Variants in SNX27 observed in about 807,000 individuals in gnomAD.
The protein encoded by SNX27 is sorting nexin 27.
A neutral mutation model predicts 71.6 loss-of-function variants in SNX27; 22 were observed. The ratio of observed to expected loss-of-function variants is 0.31; its 90% CI spans 0.22 to 0.44. SNX27 has a LOEUF of 0.44. Ranked by LOEUF, SNX27 falls within the 20% of genes least tolerant of loss-of-function variation. SNX27 has a pLI of 1.00. For missense variants in SNX27, 531 were observed against 698.6 expected, an observed-to-expected ratio of 0.76 and a Z score of 2.70; for synonymous variants, 269 against 277.2, an observed-to-expected ratio of 0.97 and a Z score of 0.29.
At chr1:151,666,940 T>C (rs1421781780) in intron 6 of SNX27, 1 of 152,026 alleles carries the variant, frequency 6.6e-6, no homozygotes, top group Non-Finnish European at 1.5e-5. Flanking sequence ...AAATGGAAAA[T>C]ATTAAATCTG....
At chr1:151,664,864 C>T (rs764352875) in intron 5 of SNX27, among the ~76,000 whole-genome samples, 1 of 152,140 alleles carries the variant, frequency 6.6e-6, no homozygotes, top group Non-Finnish European at 1.5e-5. Flanking sequence ...AGGTTTTTTA[C>T]ACTTTCCTCC....
chr1:151,658,369 A>G lies in SNX27; in HGVS notation c.678A>G (p.Ser226=). The G allele has an allele frequency of 6.2e-7, 1 of 1,614,124 alleles. No individual in the cohort carries two copies. Among genetic ancestry groups the G allele is most frequent in the Non-Finnish European group, 8.5e-7 (1 of 1,180,018 alleles). Residue 226 remains serine (S), a synonymous_variant, in exon 3 of 12, where the codon TCA becomes TCG. Transcript: ENST00000458013. ...GACTCCCAGGGAAGTGGCCATTTTC[A>G]TTATCAGAACAACAATTAGATGCCC... ...FPRLPGKWPF[S]LSEQQLDARR...
rs397862798 is a variant in SNX27 at position 151,693,086 on chromosome 1, GT to G, written c.1518+57del. 8.6e-4 allele frequency: 1,260 copies of G among 1,470,816 alleles called. 3 individuals carry two copies. The highest frequency in any genetic ancestry group is 1.7e-3 in the East Asian group (70 of 41,318). 91.1% of individuals were successfully genotyped at this position (1,470,816 alleles called of 1,614,324 possible). A position where few individuals can be genotyped will look rare whatever the true frequency, so the allele number is the denominator to read the frequency against. Reference sequence around the variant, plus strand: ...TAACTGGGACTTAGTTTGTTTTTTTGTTTTTTTTTTCAGCTAAATGCATAAA... The same window carrying G: ...TAACTGGGACTTAGTTTGTTTTTTTGTTTTTTTTTCAGCTAAATGCATAAA... On this transcript the variant is annotated intron_variant, in intron 10 of 11. Coordinates refer to ENST00000458013, the MANE Select transcript of SNX27 (RefSeq NM_001330723.2).
At chr1:151,637,162 G>GTTTTTT (rs1203944575) in intron 1 of SNX27, among the ~76,000 whole-genome samples, 1 of 37,308 alleles carries the variant, frequency 2.7e-5, no homozygotes, top group African/African-American at 6.0e-5. Flanking sequence ...CGTTTTTTTT[G>GTTTTTT]TTTTTTTGTT....
chr1:151,638,759 G>A (rs1056091429), intron 1 of SNX27, 129 bp from the exon 2 acceptor site: 154 of 843,638 alleles, frequency 1.8e-4, no homozygotes, highest in Middle Eastern at 3.2e-4. Flanking sequence ...AACTTTTCTG[G>A]AACCAAATTA....
At chr1:151,659,964 G>T (rs1315226170) in intron 3 of SNX27, 1 of 152,152 alleles carries the variant, frequency 6.6e-6, no homozygotes, top group African/African-American at 2.4e-5. Flanking sequence ...AAAAACTTTT[G>T]TAGGGAGCCT....
intron 7 of SNX27, chr1:151,678,475 A>AT (rs1183720299): frequency 2.0e-5 from 3 of 152,176 alleles, no homozygotes; most frequent in African/African-American, 7.2e-5. Context: ...TGTTGTATGT[A>AT]TATCCCACAT....
At chr1:151,692,299 T>A in intron 8 of SNX27, 136 bp from the exon 9 acceptor site, 1 of 1,155,134 alleles carries the variant, frequency 8.7e-7, no homozygotes, top group East Asian at 2.7e-5. Context: ...AGGCCAGGTC[T>A]TCAGGTTGTT....
chr1:151,692,530 C>T lies in SNX27; in HGVS notation c.1335C>T (p.Ala445=), dbSNP rs1671505335. 1.4e-5 allele frequency: 23 copies of T among 1,611,030 alleles called. No individual in the cohort carries two copies. The highest frequency in any genetic ancestry group is 2.0e-5 in the Non-Finnish European group (23 of 1,178,600). ...DSRRKGHVIT[A]ISITHFKLHA... is the part of the protein sequence containing the mutation. ...GGAGGAAGGGGCACGTTATCACAGCCATCAGCATCACGCACTTTAAACTGC... is the reference window on the plus strand; with the variant it reads ...GGAGGAAGGGGCACGTTATCACAGCTATCAGCATCACGCACTTTAAACTGC... The change falls in exon 9 of 12, where the codon GCC becomes GCT. Residue 445 remains alanine (A), a synonymous_variant. Transcript: ENST00000458013.
chr1:151,630,682 TATATCTC>T (rs1362662691), intron 1 of SNX27, among the ~76,000 whole-genome samples: 2 of 152,238 alleles, frequency 1.3e-5, no homozygotes, highest in Admixed American at 1.3e-4. Flanking sequence ...TGTCTAATCT[TATATCTC>T]AAGAGTTTAA....
chr1:151,620,595 T>G (rs939065035), intron 1 of SNX27, among the ~76,000 whole-genome samples: 5 of 152,238 alleles, frequency 3.3e-5, no homozygotes. Flanking sequence ...CTATACTTAC[T>G]ATTGTGTTTA....
chr1:151,628,502 G>A (rs993147811), intron 1 of SNX27, among the ~76,000 whole-genome samples: 1 of 151,976 alleles, frequency 6.6e-6, no homozygotes, highest in African/African-American at 2.4e-5. Flanking sequence ...GCTCAGTTGG[G>A]TAAATACCTG....
intron 7 of SNX27, among the ~76,000 whole-genome samples, chr1:151,671,058 A>G (rs181135206): frequency 6.2e-4 from 95 of 152,102 alleles, no homozygotes; most frequent in African/African-American, 2.0e-3. Context: ...TCCCCAGTAC[A>G]TGTTCTTGGC....
intron 3 of SNX27, among the ~76,000 whole-genome samples, chr1:151,659,346 C>A (rs1669851600): frequency 6.6e-6 from 1 of 152,190 alleles, no homozygotes; most frequent in Admixed American, 6.5e-5. Context: ...CTCCCAGGTT[C>A]AAGCGATTCT....
rs1031956286 is a variant in SNX27 at position 151,678,684 on chromosome 1, T to C, written c.1150-4672T>C. 19 of 151,554 alleles carry C rather than the reference T, an allele frequency of 1.3e-4. No homozygotes were observed. In the Admixed American group the frequency reaches 1.3e-3, roughly 10 times the overall value. The allele number at this position is 151,554 out of a possible 1,614,324, so 9.4% of individuals were successfully genotyped here. On this transcript the variant is annotated intron_variant, in intron 7 of 11. Coordinates refer to ENST00000458013, the MANE Select transcript of SNX27 (RefSeq NM_001330723.2). ...CTGCTATACTATTTTCCATAGTGAC[T>C]GCACCATCTCAAATGACTTATTTTT...
intron 1 of SNX27, among the ~76,000 whole-genome samples, chr1:151,631,588 G>T (rs1198271659): frequency 6.6e-6 from 1 of 152,184 alleles, no homozygotes; most frequent in East Asian, 1.9e-4. Context: ...ATGTACTTCA[G>T]TGTCTTTAAA....
chr1:151,617,803 T>C lies in SNX27; in HGVS notation c.311+5291T>C, dbSNP rs148655962. Among the ~76,000 whole-genome samples, 676 of 152,164 alleles carry C rather than the reference T, an allele frequency of 4.4e-3. 7 individuals are homozygous for C. The highest frequency in any genetic ancestry group is 0.016 in the African/African-American group (650 of 41,524). On this transcript the variant is annotated intron_variant, in intron 1 of 11. Transcript: ENST00000458013. ...GACAGGAAATGGAAACTGAGTGTTG[T>C]ACCAATGAATGGCAACCAGAATTAA...
At chr1:151,683,327 T>C in intron 7 of SNX27, 29 bp from the exon 8 acceptor site, 6 of 1,569,916 alleles carry the variant, frequency 3.8e-6, no homozygotes, top group Non-Finnish European at 5.2e-6. Context: ...TTTACACTCC[T>C]TTCTGCTCTA....
chr1:151,686,364 A>C lies in SNX27; in HGVS notation c.1239+2919A>C, dbSNP rs1671192462. Among the ~76,000 whole-genome samples the C allele has an allele frequency of 1.3e-5, 2 of 152,222 alleles. 1 individual carries two copies. The highest frequency in any genetic ancestry group is 6.3e-3 in the Middle Eastern group (2 of 316). On this transcript the variant is annotated intron_variant, in intron 8 of 11. Transcript: ENST00000458013. ...TATAGAAAATCTGAATTTAATAAACACAGTAATCTATTATGAAGTCATTTT... is the reference window on the plus strand; with the variant it reads ...TATAGAAAATCTGAATTTAATAAACCCAGTAATCTATTATGAAGTCATTTT...
Sources: gnomAD v4.1 joint callset for allele counts (sites outside exome capture counted in the v4.1 genomes callset) on GRCh38, gnomAD v4.1.1 for gene constraint, MANE v1.5 for transcripts, NCBI Gene and HGNC (gene_info 2026-07-23, HGNC 2026-07-21) for gene names.